Variants in BCL2 observed in about 807,000 individuals in gnomAD.
BCL2 encodes BCL2 apoptosis regulator, also known as apoptosis regulator Bcl-2.
A neutral mutation model predicts 14.2 loss-of-function variants in BCL2; 1 was observed. The ratio of observed to expected loss-of-function variants is 0.07; its 90% CI spans 0.02 to 0.33. The LOEUF (loss-of-function observed/expected upper bound fraction) is 0.33. BCL2 is among the 10% of genes least tolerant of loss of function. BCL2 has a pLI of 0.99. For synonymous variants in BCL2, 151 were observed against 137.2 expected (o/e 1.10, Z -0.70); for missense variants, 247 against 305.9 (o/e 0.81, Z 1.44).
chr18:63,278,243 C>A (rs1283893093), intron 2 of BCL2, among the ~76,000 whole-genome samples: 1 of 151,988 alleles, frequency 6.6e-6, no homozygotes, highest in Non-Finnish European at 1.5e-5. Flanking sequence ...CTCTAAAAGT[C>A]ACCTGGAAGC....
At chr18:63,170,227 G>A (rs1485378300) in intron 2 of BCL2, among the ~76,000 whole-genome samples, 2 of 152,110 alleles carry the variant, frequency 1.3e-5, no homozygotes, top group African/African-American at 4.8e-5. Flanking sequence ...GCTTAAAACA[G>A]TGACGGGCAC....
At chr18:63,268,957 T>A (rs1048870229) in intron 2 of BCL2, among the ~76,000 whole-genome samples, 7 of 150,686 alleles carry the variant, frequency 4.6e-5, no homozygotes, top group Non-Finnish European at 1.0e-4. Flanking sequence ...CTTTTTCCAT[T>A]TTTTTTTTAA....
intron 2 of BCL2, among the ~76,000 whole-genome samples, chr18:63,266,681 T>C (rs1273080700): frequency 2.0e-5 from 3 of 149,100 alleles, no homozygotes; most frequent in Non-Finnish European, 4.4e-5. Context: ...TTATACTACA[T>C]ACAAATCAAA....
intron 2 of BCL2, among the ~76,000 whole-genome samples, chr18:63,155,436 C>T (rs1167661071): frequency 1.3e-5 from 2 of 151,126 alleles, no homozygotes; most frequent in South Asian, 2.1e-4. Context: ...CTGTGCATTG[C>T]GTGGGGAGGG....
intron 2 of BCL2, among the ~76,000 whole-genome samples, chr18:63,225,433 C>G (rs1027890930): frequency 6.6e-6 from 1 of 152,050 alleles, no homozygotes; most frequent in Non-Finnish European, 1.5e-5. Flanking sequence ...CATATATATG[C>G]TAGAAGAAAA....
chr18:63,299,626 A>G (rs1256681383), intron 2 of BCL2, among the ~76,000 whole-genome samples: 2 of 152,188 alleles, frequency 1.3e-5, no homozygotes, highest in African/African-American at 4.8e-5. Flanking sequence ...AGAGCCTTGG[A>G]GAGCGAGCCT....
intron 2 of BCL2, among the ~76,000 whole-genome samples, chr18:63,182,901 G>A (rs932083332): frequency 6.6e-6 from 1 of 152,228 alleles, no homozygotes; most frequent in Non-Finnish European, 1.5e-5. Flanking sequence ...AAGACAGACT[G>A]TAGCCCATCA....
intron 2 of BCL2, among the ~76,000 whole-genome samples, chr18:63,132,638 T>G (rs1599198925): frequency 1.3e-5 from 2 of 152,292 alleles, no homozygotes; most frequent in South Asian, 2.1e-4. Flanking sequence ...AACTTTGCCC[T>G]TCTACAATTC....
At chr18:63,176,095 G>C (rs1442010024) in intron 2 of BCL2, among the ~76,000 whole-genome samples, 2 of 152,234 alleles carry the variant, frequency 1.3e-5, no homozygotes, top group African/African-American at 4.8e-5. Context: ...TAGACGAGCT[G>C]TTCTGTTCGC....
chr18:63,257,216 C>T (rs75377071), intron 2 of BCL2, among the ~76,000 whole-genome samples: 3,269 of 152,270 alleles, frequency 0.021, 70 homozygotes, highest in South Asian at 0.077. Flanking sequence ...GAATGGCTTA[C>T]CTGTTGCTAA....
chr18:63,157,436 A>AC (rs1035419207), intron 2 of BCL2, among the ~76,000 whole-genome samples: 5 of 152,000 alleles, frequency 3.3e-5, no homozygotes, highest in African/African-American at 1.2e-4. Flanking sequence ...TTTCATGGAA[A>AC]CCCTTCACCT....
intron 2 of BCL2, among the ~76,000 whole-genome samples, chr18:63,191,021 A>C (rs191254638): frequency 6.6e-6 from 1 of 152,302 alleles, no homozygotes; most frequent in African/African-American, 2.4e-5. Flanking sequence ...GTCCCTGCAA[A>C]GGACATGATC....
chr18:63,291,305 C>T (rs957795155), intron 2 of BCL2, among the ~76,000 whole-genome samples: 3 of 152,144 alleles, frequency 2.0e-5, no homozygotes, highest in Non-Finnish European at 2.9e-5. Context: ...TAAATTGTTC[C>T]CCAAATGAAT....
intron 2 of BCL2, among the ~76,000 whole-genome samples, chr18:63,154,934 A>G (rs946191982): frequency 6.6e-6 from 1 of 152,222 alleles, no homozygotes; most frequent in Non-Finnish European, 1.5e-5. Context: ...AGATGGATTC[A>G]TTACACATCT....
intron 2 of BCL2, among the ~76,000 whole-genome samples, chr18:63,236,075 G>C (rs867999359): frequency 1.3e-5 from 2 of 152,076 alleles, no homozygotes; most frequent in Non-Finnish European, 2.9e-5. Context: ...CCAAGTTCTC[G>C]TATATTGAAT....
At chr18:63,134,455 A>C (rs1914157463) in intron 2 of BCL2, among the ~76,000 whole-genome samples, 3 of 152,188 alleles carry the variant, frequency 2.0e-5, no homozygotes, top group Non-Finnish European at 4.4e-5. Flanking sequence ...CTGGCCCAGA[A>C]GAACTCTCAT....
Position 63,144,346 on chromosome 18 carries a change from CT to C in BCL2, c.586-15588del, listed in dbSNP as rs544115366. Among the ~76,000 whole-genome samples the C allele has an allele frequency of 2.2e-4, 34 of 152,218 alleles. No homozygotes were observed. The East Asian group carries it at 3.5e-3, about 16-fold the overall frequency. ...GTGGTGCCAAAGCCCATTAAGGTGG[CT>C]TTTACAAACAACTCTAGACAGAAGA... On this transcript the variant is annotated intron_variant, in intron 2 of 2. Coordinates refer to ENST00000333681, the MANE Select transcript of BCL2 (RefSeq NM_000633.3).
rs1212430028 is a variant in BCL2 at position 63,126,177 on chromosome 18, T to C, written c.*2448A>G. ...ATATTTTGCTTAAAAATTAGAATCA[T>C]TCAAAGGTCTGATCATTCTGTTCCC... On this transcript the variant is annotated 3_prime_UTR_variant, in exon 3 of 3. Coordinates refer to ENST00000333681, the MANE Select transcript of BCL2 (RefSeq NM_000633.3). 1 of 214,882 alleles carries C rather than the reference T, an allele frequency of 4.7e-6. No homozygotes were observed. Among genetic ancestry groups the C allele is most frequent in the Non-Finnish European group, 9.4e-6 (1 of 106,220 alleles). The allele number at this position is 214,882 out of a possible 1,614,324, so 13.3% of individuals were successfully genotyped here.
At chr18:63,182,042 C>T (rs1413445914) in intron 2 of BCL2, among the ~76,000 whole-genome samples, 3 of 152,256 alleles carry the variant, frequency 2.0e-5, no homozygotes, top group Non-Finnish European at 4.4e-5. Flanking sequence ...TGGTTCCAAT[C>T]TTCTCCCCTT....
Sources: gnomAD v4.1 joint callset for allele counts (sites outside exome capture counted in the v4.1 genomes callset) on GRCh38, gnomAD v4.1.1 for gene constraint, MANE v1.5 for transcripts, NCBI Gene and HGNC (gene_info 2026-07-23, HGNC 2026-07-21) for gene names.